Variants in MFF observed in about 807,000 individuals in gnomAD.
MFF encodes chromosome 2 open reading frame 33.
MFF carries 12 observed loss-of-function variants against 36.9 expected under a neutral mutation model. The ratio of observed to expected loss-of-function variants is 0.33; its 90% CI spans 0.21 to 0.53. The LOEUF is 0.53. MFF is among the 20% of genes least tolerant of loss of function. MFF has a pLI of 0.95. For synonymous variants in MFF, 99 were observed against 126.2 expected (o/e 0.78, Z 1.44); for missense variants, 348 against 366.6 (o/e 0.95, Z 0.42).
At chr2:227,347,100 G>T in intron 5 of MFF, 126 bp from the exon 6 acceptor site, 1 of 699,080 alleles carries the variant, frequency 1.4e-6, no homozygotes. Flanking sequence ...TTTTCTTGTG[G>T]GGAGAGTGAA....
rs568353869 is a variant in MFF at position 227,328,092 on chromosome 2, C to G, written c.-152-586C>G. ...TAAGTGAATGAAAATTTAAACAGGC[C>G]GGGCACGGTGGCTCACACCTGTAGT... On this transcript the variant is annotated intron_variant, in intron 1 of 8. Transcript: ENST00000304593. Among the ~76,000 whole-genome samples, 153 of 151,978 alleles carry G rather than the reference C, an allele frequency of 1.0e-3. 1 individual carries two copies. The highest frequency in any genetic ancestry group is 3.5e-3 in the African/African-American group (144 of 41,466).
intron 5 of MFF, among the ~76,000 whole-genome samples, chr2:227,342,113 C>T (rs1473050472): frequency 2.6e-5 from 4 of 151,702 alleles, no homozygotes; most frequent in Non-Finnish European, 5.9e-5. Context: ...GCTTTAATGA[C>T]ATTTTCTAAA....
chr2:227,343,225 G>A (rs1330629270), intron 5 of MFF, among the ~76,000 whole-genome samples: 1 of 151,682 alleles, frequency 6.6e-6, no homozygotes, highest in Non-Finnish European at 1.5e-5. Context: ...TGTTTCTGAA[G>A]GAGAATGGAG....
At position 227,352,525 on chromosome 2, in the gene MFF, G is replaced by A. The variant is rs376507486; in HGVS notation, c.611G>A (p.Arg204His). The A allele has an allele frequency of 1.3e-5, 21 of 1,613,528 alleles. No individual in the cohort carries two copies. The highest frequency in any genetic ancestry group is 5.3e-5 in the African/African-American group (4 of 74,874). Residue 204 changes from arginine (R) to histidine (H), a missense_variant, in exon 7 of 9, where the codon CGT becomes CAT. By Grantham distance (29) the Arg-to-His change is conservative. Transcript: ENST00000304593. ...VLDENRRPVL[R>H]GGSAAATSNP... ...AAAACCTGCCTTAGACCTGTGTTGCGTGGTGGGTCTGCTGCCGCCACTTCT... is the reference window on the plus strand; with the variant it reads ...AAAACCTGCCTTAGACCTGTGTTGCATGGTGGGTCTGCTGCCGCCACTTCT...
chr2:227,353,304 A>G (rs1382267174), intron 7 of MFF, among the ~76,000 whole-genome samples: 1 of 152,178 alleles, frequency 6.6e-6, no homozygotes, highest in Non-Finnish European at 1.5e-5. Flanking sequence ...CACAGATGCT[A>G]TTACTGTATA....
intron 3 of MFF, 148 bp from the exon 4 acceptor site, chr2:227,332,271 C>A: frequency 4.7e-6 from 3 of 636,732 alleles, no homozygotes; most frequent in Non-Finnish European, 7.8e-6. Flanking sequence ...CGCGCCCGGC[C>A]TGGAAGCATA....
At position 227,356,998 on chromosome 2, in the gene MFF, A is replaced by G; in HGVS notation, c.757A>G (p.Asn253Asp). Residue 253 changes from asparagine (N) to aspartate (D), a missense_variant, in exon 9 of 9, where the codon AAT becomes GAT. Coordinates refer to ENST00000304593, the MANE Select transcript of MFF (RefSeq NM_001277062.2). ...GTTTTTCACTTAGATAATCAAACTA[A>G]ATAGACGTCTACAACTTCTGGAAGA... ...ASLRRQIIKL[N>D]RRLQLLEEEN... 2 of 1,612,716 alleles carry G rather than the reference A, an allele frequency of 1.2e-6. No individual in the cohort carries two copies. The highest frequency in any genetic ancestry group is 1.7e-6 in the Non-Finnish European group (2 of 1,179,024).
chr2:227,351,382 A>T (rs2075987372), intron 6 of MFF, among the ~76,000 whole-genome samples: 1 of 132,678 alleles, frequency 7.5e-6, no homozygotes, highest in Admixed American at 8.3e-5. Context: ...TCTTACATGA[A>T]TTGAATTATC....
intron 2 of MFF, chr2:227,330,335 G>T: frequency 3.7e-6 from 1 of 267,564 alleles, no homozygotes; most frequent in East Asian, 7.2e-5. Context: ...TGTTTACGCA[G>T]AGAGTATGTG....
At chr2:227,336,293 A>G (rs1460034596) in intron 4 of MFF, among the ~76,000 whole-genome samples, 2 of 152,248 alleles carry the variant, frequency 1.3e-5, no homozygotes, top group Non-Finnish European at 2.9e-5. Context: ...TGAGAAGGCC[A>G]TTGAAGTTGG....
intron 7 of MFF, 62 bp downstream of exon 7, chr2:227,352,635 G>A: frequency 3.7e-6 from 5 of 1,355,906 alleles, no homozygotes; most frequent in Non-Finnish European, 3.2e-6. Flanking sequence ...GTGTTGCAGG[G>A]CATGTTGCAT....
intron 2 of MFF, chr2:227,329,787 A>C (rs1362256051): frequency 6.7e-7 from 1 of 1,492,118 alleles, no homozygotes; most frequent in Non-Finnish European, 9.0e-7. Flanking sequence ...TAGGAAGGTC[A>C]GTGAAATTTT....
At chr2:227,352,871 A>C (rs1387381960) in intron 7 of MFF, among the ~76,000 whole-genome samples, 1 of 152,222 alleles carries the variant, frequency 6.6e-6, no homozygotes, top group African/African-American at 2.4e-5. Flanking sequence ...TAAAACAGAA[A>C]AAAGTCTTAA....
intron 6 of MFF, among the ~76,000 whole-genome samples, chr2:227,350,653 A>G (rs1385603244): frequency 2.0e-5 from 3 of 152,136 alleles, no homozygotes; most frequent in Non-Finnish European, 4.4e-5. Flanking sequence ...CTGATCCCCA[A>G]TTAAACTTTA....
In MFF at chr2:227,357,652, G is replaced by A. The variant is rs1370041585; in HGVS notation, c.*535G>A. On this transcript the variant is annotated 3_prime_UTR_variant, in exon 9 of 9. Coordinates refer to ENST00000304593, the MANE Select transcript of MFF (RefSeq NM_001277062.2). ...TCATAACCTTCTTCATTAGGTACTTGTACAGATTAATTTCTAACATTGCAG... is the reference window on the plus strand; with the variant it reads ...TCATAACCTTCTTCATTAGGTACTTATACAGATTAATTTCTAACATTGCAG... The A allele has an allele frequency of 6.6e-6, 1 of 152,580 alleles. No individual in the cohort carries two copies. The highest frequency in any genetic ancestry group is 2.4e-5 in the African/African-American group (1 of 41,460). The allele number at this position is 152,580 out of a possible 1,614,324, so 9.5% of individuals were successfully genotyped here. A position where few individuals can be genotyped will look rare whatever the true frequency, so the allele number is the denominator to read the frequency against.
intron 3 of MFF, among the ~76,000 whole-genome samples, chr2:227,331,550 T>C (rs1267753328): frequency 6.6e-6 from 1 of 152,242 alleles, no homozygotes; most frequent in Non-Finnish European, 1.5e-5. Flanking sequence ...TATATACAAG[T>C]TATTTTCAAC....
At chr2:227,338,107 C>T (rs1037581792) in intron 4 of MFF, among the ~76,000 whole-genome samples, 1 of 151,424 alleles carries the variant, frequency 6.6e-6, no homozygotes, top group African/African-American at 2.4e-5. Flanking sequence ...GTGGCTCACA[C>T]CTGTAATCCC....
intron 4 of MFF, among the ~76,000 whole-genome samples, chr2:227,337,967 C>T (rs1282860599): frequency 6.6e-6 from 1 of 151,802 alleles, no homozygotes; most frequent in Non-Finnish European, 1.5e-5. Context: ...ATCTCTTGAA[C>T]CCGGGAGGCA....
chr2:227,352,866 CAG>C (rs1424111276), intron 7 of MFF, among the ~76,000 whole-genome samples: 2 of 152,092 alleles, frequency 1.3e-5, no homozygotes, highest in Non-Finnish European at 1.5e-5. Flanking sequence ...CATGCTAAAA[CAG>C]AAAAAAGTCT....
Sources: gnomAD v4.1 joint callset for allele counts (sites outside exome capture counted in the v4.1 genomes callset) on GRCh38, gnomAD v4.1.1 for gene constraint, MANE v1.5 for transcripts, NCBI Gene and HGNC (gene_info 2026-07-23, HGNC 2026-07-21) for gene names.